Variants in USP10 observed in about 807,000 individuals in gnomAD.
USP10 encodes the protein ubiquitin carboxyl-terminal hydrolase 10.
In USP10, 22 loss-of-function variants were observed where a neutral mutation model predicts 84.5. That is an observed-to-expected ratio of 0.26 (90% confidence interval 0.19 to 0.37). The LOEUF (loss-of-function observed/expected upper bound fraction) is 0.37. Among genes scored for constraint, USP10 ranks in the 10% least tolerant of loss-of-function variants. The pLI, the probability that USP10 is intolerant of heterozygous loss-of-function variation, is 1.00. For synonymous variants in USP10, 454 were observed against 387.6 expected (o/e 1.17, Z -2.01); for missense variants, 1,019 against 998.9 (o/e 1.02, Z -0.27).
chr16:84,719,339 C>G (rs1907481042), intron 1 of USP10, among the ~76,000 whole-genome samples: 1 of 152,162 alleles, frequency 6.6e-6, no homozygotes, highest in Non-Finnish European at 1.5e-5. Flanking sequence ...CCTCAGTTGC[C>G]TGTAGTGATG....
chr16:84,735,192 G>C (rs1217859246), intron 2 of USP10, among the ~76,000 whole-genome samples: 2 of 75,674 alleles, frequency 2.6e-5, no homozygotes, highest in South Asian at 6.8e-4. Context: ...TGCCAGGCCC[G>C]GGTGGTGTGT....
At chr16:84,768,440 A>T (rs1914091876) in intron 11 of USP10, 82 bp downstream of exon 11, 1 of 1,358,706 alleles carries the variant, frequency 7.4e-7, no homozygotes, top group Non-Finnish European at 9.8e-7. Context: ...AATGAGGGGA[A>T]ATGGGTTTGA....
intron 1 of USP10, among the ~76,000 whole-genome samples, chr16:84,732,855 G>T (rs1024380462): frequency 6.6e-5 from 10 of 152,144 alleles, no homozygotes; most frequent in Non-Finnish European, 8.8e-5. Flanking sequence ...ATCACATTCT[G>T]AATTCCGTGA....
chr16:84,732,528 C>G, intron 1 of USP10: 1 of 378,216 alleles, frequency 2.6e-6, no homozygotes. Context: ...CTCACTGCAA[C>G]CTCGGCCTCC....
At chr16:84,758,624 A>G in intron 4 of USP10, 92 bp from the exon 5 acceptor site, 1 of 910,690 alleles carries the variant, frequency 1.1e-6, no homozygotes. Context: ...AAGGGATTTT[A>G]AATGCTGTCC....
At chr16:84,758,901 A>C in intron 5 of USP10, 94 bp downstream of exon 5, 1 of 872,650 alleles carries the variant, frequency 1.1e-6, no homozygotes, top group South Asian at 1.4e-5. Context: ...TGGGCCATCT[A>C]GCTCTCCATT....
At chr16:84,760,011 A>T in intron 7 of USP10, 65 bp downstream of exon 7, 1 of 1,584,472 alleles carries the variant, frequency 6.3e-7, no homozygotes, top group Non-Finnish European at 8.7e-7. Context: ...GATGACTTAA[A>T]TTTGGTAAAT....
chr16:84,738,940 G>A (rs186571736), intron 2 of USP10, among the ~76,000 whole-genome samples: 27 of 152,298 alleles, frequency 1.8e-4, no homozygotes, highest in Admixed American at 1.1e-3. Context: ...TCCTGCACTG[G>A]CCTTTGTACT....
rs557145646 is a variant in USP10 at position 84,771,480 on chromosome 16, A to G, written c.1999-1061A>G. 9.9e-5 allele frequency among the ~76,000 whole-genome samples: 15 copies of G among 152,232 alleles called. No individual in the cohort carries two copies. In the East Asian group the frequency reaches 2.7e-3, roughly 27 times the overall value. Reference sequence around the variant, plus strand: ...ACTGCACTCCAGCATGGGCAACCAGAGTGAGATCCTGTCTTAAAAAAACAA... The same window carrying G: ...ACTGCACTCCAGCATGGGCAACCAGGGTGAGATCCTGTCTTAAAAAAACAA... On this transcript the variant is annotated intron_variant, in intron 11 of 13. Coordinates refer to ENST00000219473, the MANE Select transcript of USP10 (RefSeq NM_005153.3).
intron 2 of USP10, among the ~76,000 whole-genome samples, chr16:84,735,504 G>T (rs1031757612): frequency 6.6e-6 from 1 of 152,072 alleles, no homozygotes; most frequent in Non-Finnish European, 1.5e-5. Flanking sequence ...TTCCTTTTGG[G>T]CCTCCCATTT....
intron 1 of USP10, among the ~76,000 whole-genome samples, chr16:84,728,574 C>T (rs1366347568): frequency 1.3e-5 from 2 of 152,112 alleles, no homozygotes; most frequent in Non-Finnish European, 2.9e-5. Context: ...CGTGATCCGC[C>T]TGCCTCGGCC....
intron 1 of USP10, among the ~76,000 whole-genome samples, chr16:84,722,716 C>A (rs113460583): frequency 6.6e-6 from 1 of 152,210 alleles, no homozygotes; most frequent in East Asian, 1.9e-4. Context: ...GACTCCCCCA[C>A]GCCCAGCTAA....
intron 1 of USP10, among the ~76,000 whole-genome samples, chr16:84,719,108 T>C (rs59072366): frequency 0.032 from 4,838 of 152,240 alleles, 239 homozygotes; most frequent in African/African-American, 0.11. Context: ...GTTGTTGTTG[T>C]TGTTGTTGTT....
chr16:84,774,236 C>G (rs1048908659), intron 12 of USP10, among the ~76,000 whole-genome samples: 1 of 151,812 alleles, frequency 6.6e-6, no homozygotes, highest in Non-Finnish European at 1.5e-5. Flanking sequence ...GAGCAAGACT[C>G]CATCTCAAAA....
chr16:84,758,777 C>T lies in USP10; in HGVS notation c.1254C>T (p.Ile418=), dbSNP rs762153766. Reference sequence around the variant, plus strand: ...TGTCGTTGCAACCCCGTGGGCTGATCAATAAAGGGAACTGGTGCTACATTA... The same window carrying T: ...TGTCGTTGCAACCCCGTGGGCTGATTAATAAAGGGAACTGGTGCTACATTA... ...KPVSLQPRGL[I]NKGNWCYINA... Residue 418 remains isoleucine (I), a synonymous_variant, in exon 5 of 14, where the codon ATC becomes ATT. Transcript: ENST00000219473. 1 of 1,613,748 alleles carries T rather than the reference C, an allele frequency of 6.2e-7. No homozygotes were observed. The highest frequency in any genetic ancestry group is 8.5e-7 in the Non-Finnish European group (1 of 1,179,646).
intron 4 of USP10, among the ~76,000 whole-genome samples, chr16:84,753,231 C>T (rs2150837288): frequency 1.3e-5 from 2 of 152,284 alleles, no homozygotes; most frequent in Middle Eastern, 3.4e-3. Flanking sequence ...ATCTTCCTGC[C>T]ATAGCCTCCC....
At position 84,766,313 on chromosome 16, in the gene USP10, T is replaced by C. The variant is rs1913855524; in HGVS notation, c.1833-1880T>C. On this transcript the variant is annotated intron_variant, in intron 10 of 13. Transcript: ENST00000219473. Reference sequence around the variant, plus strand: ...TGTGAGCTCTATTCCACTGGCCCCTTTCTATTCTGGTGCTCTGTGGAGTGT... The same window carrying C: ...TGTGAGCTCTATTCCACTGGCCCCTCTCTATTCTGGTGCTCTGTGGAGTGT... Among the ~76,000 whole-genome samples, 4 of 152,360 alleles carry C rather than the reference T, an allele frequency of 2.6e-5. No homozygotes were observed. In the South Asian group the frequency reaches 8.3e-4, roughly 32 times the overall value.
rs1481641229 is a variant in USP10, at chr16:84,704,812, C to G, written c.21+4701C>G. On this transcript the variant is annotated intron_variant, in intron 1 of 13. Coordinates refer to ENST00000219473, the MANE Select transcript of USP10 (RefSeq NM_005153.3). ...AGCTCTACCAGCACTGCCATTCTGT[C>G]CCGTCTTGAAACATCATGCCCTGGT... The G allele has an allele frequency of 2.6e-6, 4 of 1,535,552 alleles. No homozygotes were observed. In the African/African-American group the frequency reaches 5.5e-5, roughly 21 times the overall value.
At chr16:84,738,489 C>T (rs376060520) in intron 2 of USP10, among the ~76,000 whole-genome samples, 1 of 152,122 alleles carries the variant, frequency 6.6e-6, no homozygotes, top group African/African-American at 2.4e-5. Flanking sequence ...CACACATGGC[C>T]GCTGTGTCCA....
Sources: allele counts gnomAD v4.1 joint callset (sites outside exome capture counted in the v4.1 genomes callset), GRCh38; gene constraint gnomAD v4.1.1; transcripts MANE v1.5; gene names NCBI Gene and HGNC (gene_info 2026-07-23, HGNC 2026-07-21).